Variants in VAT1L observed in about 807,000 individuals in gnomAD.
VAT1L encodes the protein putative NADPH-dependent quinone oxidoreductase VAT1L.
VAT1L carries 34 observed loss-of-function variants against 44.1 expected under a neutral mutation model. The observed-to-expected ratio is 0.77, with a 90% confidence interval of 0.59 to 1.03. VAT1L has a LOEUF of 1.03. Ranked by LOEUF, VAT1L falls within the 50% of genes least tolerant of loss-of-function variation. The probability of loss-of-function intolerance (pLI) is 0.00; values close to 1 mark genes in which losing one functional copy is unlikely to be tolerated. For synonymous variants in VAT1L, 253 were observed against 202.2 expected (o/e 1.25, Z -2.13); for missense variants, 615 against 538.8 (o/e 1.14, Z -1.40).
At chr16:77,956,807 TA>T (rs1361363497) in intron 7 of VAT1L, among the ~76,000 whole-genome samples, 1 of 152,236 alleles carries the variant, frequency 6.6e-6, no homozygotes, top group Non-Finnish European at 1.5e-5. Context: ...TTCCACTCTA[TA>T]CTTTAGTCTG....
chr16:77,800,558 A>C (rs2016028674), intron 1 of VAT1L: 1 of 152,212 alleles, frequency 6.6e-6, no homozygotes, highest in Non-Finnish European at 1.5e-5. Flanking sequence ...AGGTACTCAG[A>C]AACACAGTTC....
At chr16:77,938,254 G>C (rs969743563) in intron 7 of VAT1L, among the ~76,000 whole-genome samples, 4 of 152,168 alleles carry the variant, frequency 2.6e-5, no homozygotes, top group African/African-American at 9.7e-5. Context: ...TGTCTCCCTT[G>C]CCTGCTGGAT....
At chr16:77,911,783 G>A (rs1390922461) in intron 7 of VAT1L, among the ~76,000 whole-genome samples, 1 of 152,184 alleles carries the variant, frequency 6.6e-6, no homozygotes, top group Non-Finnish European at 1.5e-5. Context: ...ACTCCCCAGG[G>A]AGTGGGGTCA....
At chr16:77,968,932 C>T (rs1320747913) in intron 7 of VAT1L, among the ~76,000 whole-genome samples, 1 of 152,084 alleles carries the variant, frequency 6.6e-6, no homozygotes, top group African/African-American at 2.4e-5. Context: ...AATTCTCCTG[C>T]CTCAGCCTCC....
intron 1 of VAT1L, among the ~76,000 whole-genome samples, chr16:77,804,092 G>A (rs2016112942): frequency 6.6e-6 from 1 of 152,186 alleles, no homozygotes; most frequent in Non-Finnish European, 1.5e-5. Flanking sequence ...TGTCACTGTT[G>A]TGACATTAGT....
intron 7 of VAT1L, among the ~76,000 whole-genome samples, chr16:77,917,665 C>A (rs373221072): frequency 5.9e-5 from 9 of 152,226 alleles, no homozygotes; most frequent in African/African-American, 1.7e-4. Context: ...GATGGAGTAG[C>A]GATTAAGATT....
intron 3 of VAT1L, among the ~76,000 whole-genome samples, chr16:77,858,021 C>G (rs978736292): frequency 1.3e-4 from 20 of 152,254 alleles, no homozygotes; most frequent in Admixed American, 3.3e-4. Flanking sequence ...CCTCCAGTTT[C>G]TCATGCATCC....
rs180787910 is a variant in VAT1L, at chr16:77,958,665, C to T, written c.1078-13185C>T. 2.0e-4 allele frequency among the ~76,000 whole-genome samples: 31 copies of T among 152,268 alleles called. No individual in the cohort carries two copies. In the East Asian group the frequency reaches 6.0e-3, roughly 29 times the overall value. ...CATTATGAGTTCGATTTCTGTAGAA[C>T]ATTCTGGCTCTTGGTTCAATGTTTA... On this transcript the variant is annotated intron_variant, in intron 7 of 8. Coordinates refer to ENST00000302536, the MANE Select transcript of VAT1L (RefSeq NM_020927.3).
chr16:77,829,988 T>A (rs1344754218), intron 3 of VAT1L, among the ~76,000 whole-genome samples: 3 of 152,158 alleles, frequency 2.0e-5, no homozygotes, highest in African/African-American at 7.2e-5. Flanking sequence ...GGTGCCAGCA[T>A]GTGCCCCGGC....
intron 1 of VAT1L, among the ~76,000 whole-genome samples, chr16:77,806,632 C>T (rs753068480): frequency 1.6e-4 from 24 of 152,222 alleles, no homozygotes; most frequent in South Asian, 8.3e-4. Context: ...CGTGAGCCAC[C>T]GCGCCCAGGC....
intron 5 of VAT1L, among the ~76,000 whole-genome samples, chr16:77,877,510 C>CT (rs1166142778): frequency 2.9e-5 from 2 of 69,122 alleles, no homozygotes; most frequent in African/African-American, 1.2e-4. Flanking sequence ...GGGACTCTGT[C>CT]TCAAAAAAAA....
intron 8 of VAT1L, among the ~76,000 whole-genome samples, chr16:77,973,803 G>A (rs927145291): frequency 3.3e-5 from 5 of 151,952 alleles, no homozygotes; most frequent in African/African-American, 1.2e-4. Flanking sequence ...TTGGCTCACT[G>A]CAAGCTCCAC....
At chr16:77,797,896 T>G (rs1354108849) in intron 1 of VAT1L, among the ~76,000 whole-genome samples, 8 of 152,226 alleles carry the variant, frequency 5.3e-5, no homozygotes, top group Admixed American at 3.9e-4. Context: ...TGTGATCTCA[T>G]ACAGAAAATT....
Position 77,804,946 on chromosome 16 carries a change from G to A in VAT1L, c.234-11975G>A, listed in dbSNP as rs370935577. ...GATTATGAATAAAATCAGATGGGTC[G>A]GAAAACTCCGTATGTCTCCCGTGGC... On this transcript the variant is annotated intron_variant, in intron 1 of 8. Coordinates refer to ENST00000302536, the MANE Select transcript of VAT1L (RefSeq NM_020927.3). 3.9e-5 allele frequency among the ~76,000 whole-genome samples: 6 copies of A among 152,208 alleles called. No individual in the cohort carries two copies. In the East Asian group the frequency reaches 7.7e-4, roughly 20 times the overall value.
chr16:77,900,961 C>G (rs1282810931), intron 7 of VAT1L, among the ~76,000 whole-genome samples: 1 of 151,934 alleles, frequency 6.6e-6, no homozygotes, highest in African/African-American at 2.4e-5. Context: ...ATGCAAGAGG[C>G]ATTTGCTTTG....
At chr16:77,803,124 C>T (rs759003216) in intron 1 of VAT1L, among the ~76,000 whole-genome samples, 4 of 152,216 alleles carry the variant, frequency 2.6e-5, no homozygotes, top group African/African-American at 9.6e-5. Flanking sequence ...AAGACAAGCC[C>T]TGTGCCCTAA....
At chr16:77,906,159 C>G (rs891836150) in intron 7 of VAT1L, among the ~76,000 whole-genome samples, 3 of 152,172 alleles carry the variant, frequency 2.0e-5, no homozygotes, top group African/African-American at 7.2e-5. Context: ...GTCACTTACT[C>G]TGTGCTAGGG....
chr16:77,966,770 T>G (rs1228102945), intron 7 of VAT1L, among the ~76,000 whole-genome samples: 1 of 152,032 alleles, frequency 6.6e-6, no homozygotes, highest in African/African-American at 2.4e-5. Flanking sequence ...GTCTGTGAAG[T>G]CTGGTGTGAA....
At chr16:77,930,208 T>C (rs1026839920) in intron 7 of VAT1L, among the ~76,000 whole-genome samples, 4 of 152,186 alleles carry the variant, frequency 2.6e-5, no homozygotes, top group Non-Finnish European at 5.9e-5. Context: ...TTCCTTATTG[T>C]TGTTGAGATG....
Sources: gnomAD v4.1 joint callset for allele counts (sites outside exome capture counted in the v4.1 genomes callset) on GRCh38, gnomAD v4.1.1 for gene constraint, MANE v1.5 for transcripts, NCBI Gene and HGNC (gene_info 2026-07-23, HGNC 2026-07-21) for gene names.